DBT: variants seen among roughly 807,000 people sequenced by gnomAD.
The protein encoded by DBT is dihydrolipoamide branched chain transacylase E2, also known as lipoamide acyltransferase component of branched-chain alpha-keto acid dehydrogenase complex, mitochondrial.
A neutral mutation model predicts 51.3 loss-of-function variants in DBT; 40 were observed. The ratio of observed to expected loss-of-function variants is 0.78; its 90% CI spans 0.61 to 1.02. The LOEUF (loss-of-function observed/expected upper bound fraction) is 1.02, where lower values mean the gene tolerates loss of function less well. Among genes scored for constraint, DBT ranks in the 50% least tolerant of loss-of-function variants. DBT has a pLI of 0.00. For synonymous variants in DBT, 181 were observed against 190.4 expected, an observed-to-expected ratio of 0.95 and a Z score of 0.41; for missense variants, 510 against 580.2, an observed-to-expected ratio of 0.88 and a Z score of 1.24.
intron 8 of DBT, among the ~76,000 whole-genome samples, chr1:100,210,117 C>G (rs1662043490): frequency 6.6e-6 from 1 of 151,690 alleles, no homozygotes. Context: ...TCAAGACCAG[C>G]CTGGGCAACA....
chr1:100,245,482 T>C lies in DBT; in HGVS notation c.51+4288A>G, dbSNP rs114932958. ...TATGAACAATACTAAAGACACCTAGTTCTATGGGGACCATCTGTACCAATT... is the reference window on the plus strand; with the variant it reads ...TATGAACAATACTAAAGACACCTAGCTCTATGGGGACCATCTGTACCAATT... On this transcript the variant is annotated intron_variant, in intron 1 of 10. Coordinates refer to ENST00000370132, the MANE Select transcript of DBT (RefSeq NM_001918.5). Among the ~76,000 whole-genome samples the C allele has an allele frequency of 3.9e-3, 590 of 152,318 alleles. 1 individual carries two copies. Among genetic ancestry groups the C allele is most frequent in the African/African-American group, 0.013 (557 of 41,580 alleles).
intron 7 of DBT, among the ~76,000 whole-genome samples, chr1:100,211,680 ATTAG>A (rs1272836741): frequency 6.6e-6 from 1 of 152,218 alleles, no homozygotes; most frequent in African/African-American, 2.4e-5. Flanking sequence ...TTTCATTTTC[ATTAG>A]TTAGGACAGG....
intron 8 of DBT, among the ~76,000 whole-genome samples, chr1:100,209,396 G>A (rs370946705): frequency 6.6e-6 from 1 of 150,814 alleles, no homozygotes; most frequent in Admixed American, 6.6e-5. Flanking sequence ...CACCACACCC[G>A]GCCAACATCA....
chr1:100,204,942 T>G (rs1661678135), intron 10 of DBT, among the ~76,000 whole-genome samples: 3 of 152,176 alleles, frequency 2.0e-5, no homozygotes, highest in Admixed American at 2.0e-4. Flanking sequence ...TTACACCTTA[T>G]ACAAAAATTA....
In DBT at chr1:100,188,601, A is replaced by T. The variant is rs977756474; in HGVS notation, c.*7654T>A. The T allele has an allele frequency of 2.6e-5, 4 of 152,108 alleles. No homozygotes were observed. The highest frequency in any genetic ancestry group is 5.9e-5 in the Non-Finnish European group (4 of 68,032). 9.4% of individuals were successfully genotyped at this position (152,108 alleles called of 1,614,324 possible). A position where few individuals can be genotyped will look rare whatever the true frequency, so the allele number is the denominator to read the frequency against. On this transcript the variant is annotated 3_prime_UTR_variant, in exon 11 of 11. Coordinates refer to ENST00000370132, the MANE Select transcript of DBT (RefSeq NM_001918.5). ...TCTGCTCAGCCAAAAATCAGTGTGA[A>T]TCCCTTTGACTGTTCCATCTTTCCC...
intron 1 of DBT, among the ~76,000 whole-genome samples, chr1:100,245,882 G>A (rs1664502169): frequency 6.6e-6 from 1 of 151,990 alleles, no homozygotes; most frequent in East Asian, 1.9e-4. Flanking sequence ...AGCCCAGGAG[G>A]TCAAGACTGC....
rs1316951595 is a variant in DBT at position 100,190,733 on chromosome 1, G to A, written c.*5522C>T. On this transcript the variant is annotated 3_prime_UTR_variant, in exon 11 of 11. Transcript: ENST00000370132. Reference sequence around the variant, plus strand: ...TCGGAAAGAGAAACAAAAAGAAAGTGTGAGAATAGAAATTTTGAGGTGAAA... The same window carrying A: ...TCGGAAAGAGAAACAAAAAGAAAGTATGAGAATAGAAATTTTGAGGTGAAA... 1 of 152,210 alleles carries A rather than the reference G, an allele frequency of 6.6e-6. No homozygotes were observed. The highest frequency in any genetic ancestry group is 1.5e-5 in the Non-Finnish European group (1 of 68,046). 9.4% of individuals were successfully genotyped at this position (152,210 alleles called of 1,614,324 possible).
chr1:100,247,667 C>G (rs1281048173), intron 1 of DBT, among the ~76,000 whole-genome samples: 2 of 140,048 alleles, frequency 1.4e-5, no homozygotes, highest in Non-Finnish European at 3.0e-5. Flanking sequence ...CCACTGCACT[C>G]CAGCCTGGGC....
At chr1:100,232,159 G>A (rs992607746) in intron 3 of DBT, among the ~76,000 whole-genome samples, 3 of 152,140 alleles carry the variant, frequency 2.0e-5, no homozygotes, top group Admixed American at 6.5e-5. Context: ...TAAGCGTTTC[G>A]AGCATGTTTA....
intron 6 of DBT, 39 bp downstream of exon 6, chr1:100,215,944 T>C (rs1662449125): frequency 3.3e-6 from 4 of 1,229,770 alleles, no homozygotes; most frequent in Non-Finnish European, 4.8e-6. Flanking sequence ...CCAAAATAAA[T>C]GAACTATTGC....
chr1:100,246,012 C>T (rs1664514509), intron 1 of DBT, among the ~76,000 whole-genome samples: 1 of 151,828 alleles, frequency 6.6e-6, no homozygotes, highest in Non-Finnish European at 1.5e-5. Flanking sequence ...GCCTGTAATC[C>T]CAGCACTTTG....
At chr1:100,200,359 T>C (rs1661363964) in intron 10 of DBT, among the ~76,000 whole-genome samples, 1 of 152,104 alleles carries the variant, frequency 6.6e-6, no homozygotes, top group Admixed American at 6.5e-5. Flanking sequence ...CTCTCTAGAT[T>C]CCTCCTCTCT....
In DBT at chr1:100,192,956, C is replaced by T. The variant is rs999909646; in HGVS notation, c.*3299G>A. ...TCTAGGAGTACAGCAAGAGCCTTTT[C>T]CTCCTCCCAAACACCCATCCCTTGC... On this transcript the variant is annotated 3_prime_UTR_variant, in exon 11 of 11. Coordinates refer to ENST00000370132, the MANE Select transcript of DBT (RefSeq NM_001918.5). The T allele has an allele frequency of 6.6e-6, 1 of 152,306 alleles. No individual in the cohort carries two copies. The highest frequency in any genetic ancestry group is 2.4e-5 in the African/African-American group (1 of 41,456). The allele number at this position is 152,306 out of a possible 1,614,324, so 9.4% of individuals were successfully genotyped here. A position where few individuals can be genotyped will look rare whatever the true frequency, so the allele number is the denominator to read the frequency against.
rs1661013056 is a variant in DBT, at chr1:100,195,070, C to T, written c.*1185G>A. ...TTTTATATCCATAATTACTATTAGA[C>T]TCTTCCTTCTCCTCTTATTTACATT... is the stretch of plus-strand genomic sequence containing the variant. On this transcript the variant is annotated 3_prime_UTR_variant, in exon 11 of 11. Transcript: ENST00000370132. 6.6e-6 allele frequency: 1 copy of T among 152,446 alleles called. No individual in the cohort carries two copies. The highest frequency in any genetic ancestry group is 1.5e-5 in the Non-Finnish European group (1 of 68,024). 9.4% of individuals were successfully genotyped at this position (152,446 alleles called of 1,614,324 possible).
At chr1:100,218,290 T>G (rs1662614424) in intron 5 of DBT, among the ~76,000 whole-genome samples, 1 of 152,164 alleles carries the variant, frequency 6.6e-6, no homozygotes, top group Non-Finnish European at 1.5e-5. Flanking sequence ...CTTTACAGGT[T>G]TTCCCTCCTT....
intron 8 of DBT, among the ~76,000 whole-genome samples, chr1:100,207,693 T>A (rs539020343): frequency 1.3e-5 from 2 of 152,124 alleles, no homozygotes; most frequent in African/African-American, 4.8e-5. Flanking sequence ...CAAAAATTTT[T>A]TTTTAAATTA....
In DBT at chr1:100,208,934, A is replaced by G. The variant is rs181026275; in HGVS notation, c.1017+1760T>C. On this transcript the variant is annotated intron_variant, in intron 8 of 10. Coordinates refer to ENST00000370132, the MANE Select transcript of DBT (RefSeq NM_001918.5). ...TCAAAAAAAAAAAAAAAAGAAAAAG[A>G]AAAAAGCAAGTTAAAGAAAATATAA... 8.3e-3 allele frequency among the ~76,000 whole-genome samples: 1,249 copies of G among 150,930 alleles called. 10 individuals are homozygous for G. The highest frequency in any genetic ancestry group is 0.013 in the Non-Finnish European group (889 of 67,674).
At chr1:100,235,569 C>T (rs1353149819) in intron 2 of DBT, 58 bp from the exon 3 acceptor site, 3 of 891,500 alleles carry the variant, frequency 3.4e-6, no homozygotes, top group South Asian at 1.5e-5. Flanking sequence ...CTAATATATA[C>T]TTTCACATCT....
intron 2 of DBT, among the ~76,000 whole-genome samples, chr1:100,238,091 C>G (rs1663987883): frequency 6.6e-6 from 1 of 151,784 alleles, no homozygotes; most frequent in Non-Finnish European, 1.5e-5. Context: ...TTCTAGCTTT[C>G]CTTCCTCCCT....
Sources: allele counts gnomAD v4.1 joint callset (sites outside exome capture counted in the v4.1 genomes callset), GRCh38; gene constraint gnomAD v4.1.1; transcripts MANE v1.5; gene names NCBI Gene and HGNC (gene_info 2026-07-23, HGNC 2026-07-21).